The following CAMKMT variants were observed in gnomAD, a reference collection of about 807,000 sequenced individuals.
CAMKMT encodes the protein CaM KMT.
Under a neutral mutation model 48.0 loss-of-function variants are expected in CAMKMT, and 53 were observed. That is an observed-to-expected ratio of 1.10 (90% confidence interval 0.89 to 1.39). The LOEUF is 1.39. CAMKMT is among the 40% of genes most tolerant of loss of function. The pLI, the probability that CAMKMT is intolerant of heterozygous loss-of-function variation, is 0.00. For synonymous variants in CAMKMT, 165 were observed against 152.3 expected, an observed-to-expected ratio of 1.08 and a Z score of -0.61; for missense variants, 428 against 402.7, an observed-to-expected ratio of 1.06 and a Z score of -0.54.
intron 3 of CAMKMT, among the ~76,000 whole-genome samples, chr2:44,663,187 A>G (rs1385256730): frequency 1.3e-5 from 2 of 152,190 alleles, no homozygotes; most frequent in African/African-American, 4.8e-5. Context: ...CTCACCAATT[A>G]TCCCACTAAG....
chr2:44,545,989 A>C (rs1028004909), intron 3 of CAMKMT, among the ~76,000 whole-genome samples: 1 of 152,104 alleles, frequency 6.6e-6, no homozygotes, highest in Non-Finnish European at 1.5e-5. Flanking sequence ...TTTAAGTAAG[A>C]CTAAAGAATA....
Position 44,557,054 on chromosome 2 carries a change from C to A in CAMKMT, c.377-147229C>A, listed in dbSNP as rs1267435055. Among the ~76,000 whole-genome samples, 5 of 152,322 alleles carry A rather than the reference C, an allele frequency of 3.3e-5. No homozygotes were observed. The East Asian group carries it at 9.7e-4, about 30-fold the overall frequency. On this transcript the variant is annotated intron_variant, in intron 3 of 10. Coordinates refer to ENST00000378494, the MANE Select transcript of CAMKMT (RefSeq NM_024766.5). ...TTTTTACTTTCACCTATGTGGTTTGCTTTAACTCTTTTCACTGAGGAAATG... is the reference window on the plus strand; with the variant it reads ...TTTTTACTTTCACCTATGTGGTTTGATTTAACTCTTTTCACTGAGGAAATG...
intron 7 of CAMKMT, among the ~76,000 whole-genome samples, chr2:44,715,877 A>G (rs553044992): frequency 5.9e-5 from 9 of 152,320 alleles, no homozygotes; most frequent in African/African-American, 1.9e-4. Context: ...CAGAATGTCA[A>G]TAGTGCCAAC....
chr2:44,635,383 C>T (rs78144075), intron 3 of CAMKMT, among the ~76,000 whole-genome samples: 4,166 of 152,006 alleles, frequency 0.027, 186 homozygotes, highest in African/African-American at 0.095. Flanking sequence ...ACATATTTAC[C>T]CCAACATATG....
chr2:44,688,982 T>C (rs1676485767), intron 3 of CAMKMT, among the ~76,000 whole-genome samples: 1 of 152,172 alleles, frequency 6.6e-6, no homozygotes, highest in Non-Finnish European at 1.5e-5. Context: ...TTCAATTTGT[T>C]TGGAATTTAG....
At chr2:44,416,798 C>A (rs946831044) in intron 3 of CAMKMT, among the ~76,000 whole-genome samples, 2 of 151,872 alleles carry the variant, frequency 1.3e-5, no homozygotes, top group African/African-American at 4.8e-5. Context: ...TGGTCTCTAA[C>A]TCCTAACCTC....
At chr2:44,504,165 T>C (rs374720484) in intron 3 of CAMKMT, among the ~76,000 whole-genome samples, 2 of 152,200 alleles carry the variant, frequency 1.3e-5, no homozygotes, top group Admixed American at 6.5e-5. Flanking sequence ...TTTCAACATA[T>C]TAATTTTGAG....
chr2:44,517,431 G>C (rs1022308668), intron 3 of CAMKMT, among the ~76,000 whole-genome samples: 1 of 152,160 alleles, frequency 6.6e-6, no homozygotes, highest in Non-Finnish European at 1.5e-5. Context: ...TTTTCAAGGG[G>C]TGTGCTGTTG....
intron 3 of CAMKMT, among the ~76,000 whole-genome samples, chr2:44,633,992 G>T (rs1361268976): frequency 6.6e-6 from 1 of 152,014 alleles, no homozygotes; most frequent in Non-Finnish European, 1.5e-5. Context: ...CTTTATGCTA[G>T]TTTAACCCTA....
intron 3 of CAMKMT, among the ~76,000 whole-genome samples, chr2:44,527,324 T>C (rs2104815950): frequency 6.9e-6 from 1 of 143,926 alleles, no homozygotes; most frequent in South Asian, 2.2e-4. Context: ...ATTATACATA[T>C]ATACATATAT....
At chr2:44,641,553 T>TAC (rs1491169703) in intron 3 of CAMKMT, among the ~76,000 whole-genome samples, 12 of 24,780 alleles carry the variant, frequency 4.8e-4, no homozygotes, top group African/African-American at 1.2e-3. Context: ...TATGATATTT[T>TAC]ATATATATAT....
intron 3 of CAMKMT, among the ~76,000 whole-genome samples, chr2:44,479,871 A>T (rs769820797): frequency 6.6e-6 from 1 of 152,194 alleles, no homozygotes; most frequent in Non-Finnish European, 1.5e-5. Flanking sequence ...CCGTAATTTT[A>T]TGGTGTTAAA....
At chr2:44,713,355 G>A (rs1331795253) in intron 6 of CAMKMT, among the ~76,000 whole-genome samples, 1 of 152,150 alleles carries the variant, frequency 6.6e-6, no homozygotes, top group Non-Finnish European at 1.5e-5. Flanking sequence ...TGGATGCCAT[G>A]GAAACTCTAA....
intron 10 of CAMKMT, among the ~76,000 whole-genome samples, chr2:44,769,295 G>C (rs1015625060): frequency 6.6e-6 from 1 of 152,120 alleles, no homozygotes; most frequent in Admixed American, 6.5e-5. Flanking sequence ...GTGCCATTCC[G>C]CACTTTTCTG....
At chr2:44,537,558 CT>C (rs1235796710) in intron 3 of CAMKMT, among the ~76,000 whole-genome samples, 13 of 149,602 alleles carry the variant, frequency 8.7e-5, no homozygotes, top group South Asian at 2.1e-4. Context: ...AAAGGGAACT[CT>C]TTTTTTTTTC....
chr2:44,625,845 G>T (rs192577531), intron 3 of CAMKMT, among the ~76,000 whole-genome samples: 2 of 152,188 alleles, frequency 1.3e-5, no homozygotes, highest in African/African-American at 2.4e-5. Context: ...TTACTGGACT[G>T]TCTTTTCTAT....
chr2:44,744,855 A>T (rs577663307), intron 8 of CAMKMT, among the ~76,000 whole-genome samples: 20 of 152,196 alleles, frequency 1.3e-4, no homozygotes, highest in African/African-American at 4.8e-4. Context: ...GAGAGTTTCT[A>T]GTTTTTCATA....
chr2:44,700,680 C>G (rs368279046), intron 3 of CAMKMT, among the ~76,000 whole-genome samples: 15 of 152,224 alleles, frequency 9.9e-5, no homozygotes, highest in African/African-American at 3.6e-4. Flanking sequence ...AAACAATTAC[C>G]ATAGTAACAT....
intron 8 of CAMKMT, among the ~76,000 whole-genome samples, chr2:44,748,589 T>C (rs1680016335): frequency 6.6e-6 from 1 of 152,138 alleles, no homozygotes; most frequent in Non-Finnish European, 1.5e-5. Flanking sequence ...CTCAAGATAT[T>C]GGGCCAGACG....
Sources: allele counts gnomAD v4.1 joint callset (sites outside exome capture counted in the v4.1 genomes callset), GRCh38; gene constraint gnomAD v4.1.1; transcripts MANE v1.5; gene names NCBI Gene and HGNC (gene_info 2026-07-23, HGNC 2026-07-21).